TPST1: variants seen among roughly 807,000 people sequenced by gnomAD.
TPST1 encodes tyrosylprotein sulfotransferase 1, also known as protein-tyrosine sulfotransferase 1.
In TPST1, 20 loss-of-function variants were observed where a neutral mutation model predicts 34.8. The observed-to-expected ratio is 0.57, with a 90% CI of 0.40 to 0.84. The LOEUF (loss-of-function observed/expected upper bound fraction) is 0.84, where lower values mean the gene tolerates loss of function less well. Ranked by LOEUF, TPST1 falls within the 40% of genes least tolerant of loss-of-function variation. The pLI is 0.00. For synonymous variants in TPST1, 152 were observed against 159.4 expected (o/e 0.95, Z 0.35); for missense variants, 353 against 455.5 (o/e 0.78, Z 2.05).
intron 1 of TPST1, among the ~76,000 whole-genome samples, chr7:66,221,060 G>A (rs1332129863): frequency 6.6e-6 from 1 of 151,992 alleles, no homozygotes; most frequent in Non-Finnish European, 1.5e-5. Context: ...TTGAACCTGG[G>A]AGGTGGAGGT....
At chr7:66,356,900 TTC>T (rs1792593436) in intron 5 of TPST1, 29 bp downstream of exon 5, 2 of 1,612,906 alleles carry the variant, frequency 1.2e-6, no homozygotes, top group Non-Finnish European at 1.7e-6. Flanking sequence ...TGCCAGGTCT[TTC>T]TGTTTCCCAC....
chr7:66,258,544 G>A (rs1790424696), intron 2 of TPST1, among the ~76,000 whole-genome samples: 2 of 152,172 alleles, frequency 1.3e-5, no homozygotes, highest in Admixed American at 1.3e-4. Context: ...GCTGGTTCAT[G>A]TGCAAAATTA....
At chr7:66,351,398 G>T (rs1792475609) in intron 3 of TPST1, among the ~76,000 whole-genome samples, 1 of 152,056 alleles carries the variant, frequency 6.6e-6, no homozygotes, top group South Asian at 2.1e-4. Flanking sequence ...TGCATCTGAG[G>T]GGCTGTTTCT....
At chr7:66,269,610 C>CTG (rs34140755) in intron 2 of TPST1, among the ~76,000 whole-genome samples, 101,330 of 151,928 alleles carry the variant, frequency 0.67, 34,163 homozygotes, top group African/African-American at 0.76. Context: ...ATAGTAAAGA[C>CTG]TGCACTCAAC....
intron 1 of TPST1, among the ~76,000 whole-genome samples, chr7:66,222,849 C>T (rs1170133303): frequency 1.3e-5 from 2 of 152,152 alleles, no homozygotes; most frequent in African/African-American, 2.4e-5. Flanking sequence ...TGTGATTGCC[C>T]CAGCAGTGCT....
intron 4 of TPST1, among the ~76,000 whole-genome samples, chr7:66,353,738 T>G (rs765177849): frequency 6.6e-6 from 1 of 152,198 alleles, no homozygotes; most frequent in Non-Finnish European, 1.5e-5. Context: ...TGTCAGTGAT[T>G]AGCTTGTCAA....
At chr7:66,352,286 G>T (rs1409227197) in intron 3 of TPST1, among the ~76,000 whole-genome samples, 1 of 152,210 alleles carries the variant, frequency 6.6e-6, no homozygotes. Flanking sequence ...GCCCACATTT[G>T]TGAGCACTCG....
In TPST1 at chr7:66,224,898, A is replaced by ATTTTT. The variant is rs1385577766; in HGVS notation, c.-101-15425_-101-15424insTTTTT. ...TAAAACTGAGCCTGAACATTCTGGT[A>ATTTTT]TTCTTTTTTTTTTTTTTTTTTTTTT... On this transcript the variant is annotated intron_variant, in intron 1 of 5. Transcript: ENST00000304842. 9.5e-4 allele frequency among the ~76,000 whole-genome samples: 44 copies of ATTTTT among 46,112 alleles called. 1 individual carries two copies. Among genetic ancestry groups the ATTTTT allele is most frequent in the South Asian group, 1.8e-3 (2 of 1,112 alleles). The allele number at this position is 46,112 out of a possible 152,430, so 30.3% of individuals were successfully genotyped here.
chr7:66,358,042 C>T (rs2116413768), intron 5 of TPST1, among the ~76,000 whole-genome samples: 1 of 152,152 alleles, frequency 6.6e-6, no homozygotes, highest in Non-Finnish European at 1.5e-5. Context: ...CGAAATCGTG[C>T]CATTGCACTC....
intron 3 of TPST1, among the ~76,000 whole-genome samples, chr7:66,308,702 T>C (rs1219238565): frequency 3.9e-5 from 6 of 152,192 alleles, no homozygotes. Context: ...GCCTTTCCCA[T>C]TGTTATTTCT....
At chr7:66,213,699 G>A (rs910073741) in intron 1 of TPST1, among the ~76,000 whole-genome samples, 19 of 150,984 alleles carry the variant, frequency 1.3e-4, no homozygotes, top group African/African-American at 3.9e-4. Flanking sequence ...AGCGGAGATC[G>A]TGCCACTGCA....
At chr7:66,300,382 A>G (rs1189079044) in intron 3 of TPST1, among the ~76,000 whole-genome samples, 1 of 152,176 alleles carries the variant, frequency 6.6e-6, no homozygotes, top group Admixed American at 6.5e-5. Flanking sequence ...CTTCAGGCTC[A>G]CTTCTAGTTA....
At chr7:66,283,238 G>T (rs534009568) in intron 2 of TPST1, among the ~76,000 whole-genome samples, 1 of 152,240 alleles carries the variant, frequency 6.6e-6, no homozygotes, top group African/African-American at 2.4e-5. Context: ...TCCAGCCTGG[G>T]TGACAGAGCA....
chr7:66,235,978 G>A (rs988078115), intron 1 of TPST1, among the ~76,000 whole-genome samples: 5 of 152,106 alleles, frequency 3.3e-5, no homozygotes, highest in Admixed American at 2.6e-4. Flanking sequence ...GACTGAGACT[G>A]ATACCTGTCT....
At chr7:66,200,121 A>G in the TPST1 span, among the ~76,000 whole-genome samples, 6 of 152,320 alleles carry the variant, frequency 3.9e-5, no homozygotes, top group South Asian at 6.2e-4. Flanking sequence ...AAGCCTGCAC[A>G]TTCCTAGGTA....
chr7:66,237,566 AAAAC>A (rs1789935725), intron 1 of TPST1, among the ~76,000 whole-genome samples: 1 of 152,178 alleles, frequency 6.6e-6, no homozygotes. Flanking sequence ...GTTCTCCAGA[AAAAC>A]AAAACCAAAC....
chr7:66,342,932 A>G (rs1356159037), intron 3 of TPST1, among the ~76,000 whole-genome samples: 1 of 152,140 alleles, frequency 6.6e-6, no homozygotes, highest in Non-Finnish European at 1.5e-5. Context: ...AAAAATACCC[A>G]AAGTGTATCA....
chr7:66,334,364 G>A (rs772673918), intron 3 of TPST1, among the ~76,000 whole-genome samples: 2 of 152,082 alleles, frequency 1.3e-5, no homozygotes, highest in African/African-American at 4.8e-5. Flanking sequence ...GGCTGGGCGC[G>A]GTGGCTCACT....
At chr7:66,320,264 T>C (rs2116190814) in intron 3 of TPST1, among the ~76,000 whole-genome samples, 1 of 148,230 alleles carries the variant, frequency 6.7e-6, no homozygotes, top group African/African-American at 2.5e-5. Context: ...TTTTTTTTTT[T>C]TGAGACGGAG....
Sources: allele counts gnomAD v4.1 joint callset (sites outside exome capture counted in the v4.1 genomes callset), GRCh38; gene constraint gnomAD v4.1.1; transcripts MANE v1.5; gene names NCBI Gene and HGNC (gene_info 2026-07-23, HGNC 2026-07-21).